The following DNAH3 variants were observed in gnomAD, a reference collection of about 807,000 sequenced individuals.
DNAH3 encodes dynein axonemal heavy chain 3.
A neutral mutation model predicts 432.5 loss-of-function variants in DNAH3; 332 were observed. The observed-to-expected ratio is 0.77, with a 90% confidence interval of 0.70 to 0.84. The LOEUF is 0.84. Ranked by LOEUF, DNAH3 falls within the 40% of genes least tolerant of loss-of-function variation. DNAH3 has a pLI of 0.00. For synonymous variants in DNAH3, 1,956 were observed against 1,900.2 expected (o/e 1.03, Z -0.76); for missense variants, 4,861 against 5,114.0 (o/e 0.95, Z 1.51).
intron 7 of DNAH3, among the ~76,000 whole-genome samples, chr16:21,133,125 G>A (rs538575948): frequency 7.9e-5 from 12 of 152,192 alleles, no homozygotes; most frequent in Non-Finnish European, 1.8e-4. Context: ...GCCGATGTGG[G>A]TGGATTGCTT....
chr16:20,973,026 G>A (rs1286495994), intron 51 of DNAH3, among the ~76,000 whole-genome samples: 4 of 152,108 alleles, frequency 2.6e-5, no homozygotes, highest in Non-Finnish European at 5.9e-5. Context: ...ACCTCGCCCA[G>A]CTGCCATGAC....
intron 3 of DNAH3, among the ~76,000 whole-genome samples, chr16:21,144,646 C>A (rs1161379523): frequency 6.6e-6 from 1 of 152,164 alleles, no homozygotes; most frequent in African/African-American, 2.4e-5. Flanking sequence ...TTTGGAATAA[C>A]TTATCATGCA....
At chr16:20,988,934 T>C (rs887010902) in intron 44 of DNAH3, among the ~76,000 whole-genome samples, 1 of 152,146 alleles carries the variant, frequency 6.6e-6, no homozygotes, top group Non-Finnish European at 1.5e-5. Context: ...TCTGGAGTTA[T>C]TCGTTCCTCC....
chr16:20,948,294 G>A (rs1006506595), intron 57 of DNAH3, among the ~76,000 whole-genome samples, 189 bp downstream of exon 57: 9 of 143,084 alleles, frequency 6.3e-5, no homozygotes, highest in Non-Finnish European at 1.1e-4. Context: ...ACCAAATACC[G>A]ACCCCCTCCT....
intron 1 of DNAH3, among the ~76,000 whole-genome samples, chr16:21,149,237 AAAG>A (rs1348505023): frequency 1.3e-4 from 19 of 151,684 alleles, no homozygotes; most frequent in Non-Finnish European, 2.2e-4. Flanking sequence ...AAAAAAAAAA[AAAG>A]AAAGAAAGAA....
chr16:20,968,652 TTCTCTTTCTTTGTTCATCTGTCCCTC>T (rs573120825), intron 52 of DNAH3, among the ~76,000 whole-genome samples: 94 of 151,836 alleles, frequency 6.2e-4, no homozygotes, highest in Non-Finnish European at 1.2e-3. Flanking sequence ...ATCCTCCTCT[TTCTCTTTCTTTGTTCATCTGTCCCTC>T]TCTCTCTCTT....
exon 32 of DNAH3, chr16:21,042,163 A>G: frequency 1.2e-6 from 2 of 1,612,036 alleles, no homozygotes; most frequent in East Asian, 2.2e-5. Flanking sequence ...GGCTTGTTGG[A>G]TGCTGAGGAT....
intron 49 of DNAH3, among the ~76,000 whole-genome samples, chr16:20,980,191 TTTTA>T (rs2085799712): frequency 7.3e-6 from 1 of 136,752 alleles, no homozygotes; most frequent in African/African-American, 2.7e-5. Context: ...ATATATATAA[TTTTA>T]TTATATATTT....
intron 53 of DNAH3, among the ~76,000 whole-genome samples, chr16:20,960,900 A>C (rs1405855538): frequency 6.6e-6 from 1 of 152,172 alleles, no homozygotes; most frequent in East Asian, 1.9e-4. Context: ...TGGGATTCCT[A>C]AGCTGAGAAA....
intron 32 of DNAH3, among the ~76,000 whole-genome samples, chr16:21,040,324 C>G (rs2089375255): frequency 6.9e-6 from 1 of 145,318 alleles, no homozygotes; most frequent in East Asian, 2.1e-4. Context: ...AATGCAGAAC[C>G]AATATGCATC....
At chr16:20,971,273 A>T (rs942022312) in intron 51 of DNAH3, among the ~76,000 whole-genome samples, 4 of 152,086 alleles carry the variant, frequency 2.6e-5, no homozygotes, top group South Asian at 2.1e-4. Flanking sequence ...TATGTTTCTT[A>T]AAGGCAAATT....
At chr16:21,149,492 C>T (rs2152835207) in intron 1 of DNAH3, among the ~76,000 whole-genome samples, 1 of 152,288 alleles carries the variant, frequency 6.6e-6, no homozygotes, top group Admixed American at 6.5e-5. Context: ...TTGCTGATTA[C>T]ACATGTTGTA....
exon 58 of DNAH3, chr16:20,944,590 T>A: frequency 6.2e-7 from 1 of 1,614,136 alleles, no homozygotes. Context: ...TTTGGTGATG[T>A]CTGCGTTCTC....
chr16:20,948,433 T>G, intron 57 of DNAH3, 50 bp downstream of exon 57: 226 of 1,541,534 alleles, frequency 1.5e-4, no homozygotes, highest in Middle Eastern at 2.0e-4. Flanking sequence ...CATATAGAGA[T>G]GACGGAGCCC....
intron 20 of DNAH3, among the ~76,000 whole-genome samples, chr16:21,080,444 T>G (rs1191047249): frequency 6.6e-6 from 1 of 152,206 alleles, no homozygotes; most frequent in African/African-American, 2.4e-5. Context: ...TATTAAAAAT[T>G]GTTAGGTATT....
At chr16:21,092,698 C>CAAAAAA (rs61277332) in intron 18 of DNAH3, among the ~76,000 whole-genome samples, 1 of 11,538 alleles carries the variant, frequency 8.7e-5, no homozygotes, top group African/African-American at 3.3e-4. Context: ...AAAATATTTG[C>CAAAAAA]AAAAAAAAAA....
At chr16:20,987,738 T>A in exon 46 of DNAH3, 2 of 1,613,994 alleles carry the variant, frequency 1.2e-6, no homozygotes, top group Non-Finnish European at 1.7e-6. Flanking sequence ...GAATCACTCG[T>A]GAGAAGTCCC....
chr16:21,065,372 G>A (rs533214062), intron 24 of DNAH3, among the ~76,000 whole-genome samples: 2 of 152,144 alleles, frequency 1.3e-5, no homozygotes, highest in East Asian at 3.9e-4. Flanking sequence ...TGTTGGCCAG[G>A]CTGGTCTCGA....
chr16:21,146,980 G>T (rs2092792694), intron 1 of DNAH3, among the ~76,000 whole-genome samples: 1 of 151,856 alleles, frequency 6.6e-6, no homozygotes, highest in South Asian at 2.1e-4. Context: ...GGCTGGTCTT[G>T]AACTCCTGGC....
Sources: allele counts gnomAD v4.1 joint callset (sites outside exome capture counted in the v4.1 genomes callset), GRCh38; gene constraint gnomAD v4.1.1; transcripts MANE v1.5; gene names NCBI Gene and HGNC (gene_info 2026-07-23, HGNC 2026-07-21).